Variants in GOLGA2 observed in about 807,000 individuals in gnomAD.
GOLGA2 encodes golgin A2, also known as golgin subfamily A member 2.
A neutral mutation model predicts 148.8 loss-of-function variants in GOLGA2; 49 were observed. That is an observed-to-expected ratio of 0.33 (90% CI 0.26 to 0.42). GOLGA2 has a LOEUF of 0.42. GOLGA2 is among the 10% of genes least tolerant of loss of function. The pLI, the probability that GOLGA2 is intolerant of heterozygous loss-of-function variation, is 1.00. For synonymous variants in GOLGA2, 501 were observed against 511.8 expected, an observed-to-expected ratio of 0.98 and a Z score of 0.28; for missense variants, 1,178 against 1,304.6, an observed-to-expected ratio of 0.90 and a Z score of 1.49.
chr9:128,268,480 G>T lies in GOLGA2; in HGVS notation c.333C>A (p.Thr111=), dbSNP rs374754744. The T allele has an allele frequency of 1.2e-6, 2 of 1,612,052 alleles. No individual in the cohort carries two copies. Among genetic ancestry groups the T allele is most frequent in the African/African-American group, 1.3e-5 (1 of 75,026 alleles). ...NAATLQPSDD[T]VLPGGVPSPG... is the part of the protein sequence containing the mutation. Reference sequence around the variant, plus strand: ...GGGAAGGGACACCGCCAGGTAACACGGTGTCATCAGATGGTTGTAGAGTAG... The same window carrying T: ...GGGAAGGGACACCGCCAGGTAACACTGTGTCATCAGATGGTTGTAGAGTAG... The change falls in exon 4 of 27, where the codon ACC becomes ACA. Residue 111 remains threonine, a synonymous_variant. Transcript: ENST00000611957.
In GOLGA2 at chr9:128,256,973, G is replaced by T; in HGVS notation, c.*94C>A. ...CAGGGGTCTATGCTTGCTACTGTAA[G>T]GGTAAAGGGTTGACTGAGAAGGGAT... On this transcript the variant is annotated 3_prime_UTR_variant, in exon 27 of 27. Coordinates refer to ENST00000611957, the MANE Select transcript of GOLGA2 (RefSeq NM_001366244.2). The T allele has an allele frequency of 1.1e-6, 1 of 926,112 alleles. No individual in the cohort carries two copies. The highest frequency in any genetic ancestry group is 1.7e-6 in the Non-Finnish European group (1 of 585,660). 57.4% of individuals were successfully genotyped at this position (926,112 alleles called of 1,614,324 possible). A position where few individuals can be genotyped will look rare whatever the true frequency, so the allele number is the denominator to read the frequency against.
rs1409811101 is a variant in GOLGA2 at position 128,271,818 on chromosome 9, AT to A, written c.288+966del. Among the ~76,000 whole-genome samples the A allele has an allele frequency of 2.6e-5, 4 of 151,952 alleles. No homozygotes were observed. Among genetic ancestry groups the A allele is most frequent in the Admixed American group, 6.5e-5 (1 of 15,268 alleles). On this transcript the variant is annotated intron_variant, in intron 3 of 26. Transcript: ENST00000611957. This position sits in a 1 kb window ranked among gnomAD's most constrained non-coding sequence, Gnocchi z 4.4. Reference sequence around the variant, plus strand: ...TGTTCATCTATTTTATCCACTGTTTATTTATCAAAGTGCCTTTGTTGTCAAG... The same window carrying A: ...TGTTCATCTATTTTATCCACTGTTTATTATCAAAGTGCCTTTGTTGTCAAG...
chr9:128,274,537 CG>C (rs1279700873), intron 1 of GOLGA2, among the ~76,000 whole-genome samples: 12 of 152,236 alleles, frequency 7.9e-5, no homozygotes, highest in Admixed American at 7.2e-4. Flanking sequence ...AAATGTGGGC[CG>C]GAACATTAAG....
Position 128,275,925 on chromosome 9 carries a change from G to C in GOLGA2, c.52C>G (p.Arg18Gly). 1.9e-6 allele frequency: 3 copies of C among 1,592,132 alleles called. No homozygotes were observed. Among genetic ancestry groups the C allele is most frequent in the Non-Finnish European group, 2.6e-6 (3 of 1,170,192 alleles). ...TTCGCTGCGGCCAATTTGCTCTGTCGGGTTTCTTCCGACATCGCGGGGCGG... is the reference window on the plus strand; with the variant it reads ...TTCGCTGCGGCCAATTTGCTCTGTCCGGTTTCTTCCGACATCGCGGGGCGG... ...PPRPAMSEET[R>G]QSKLAAAKKK... The change falls in exon 1 of 27, where the codon CGA becomes GGA. Residue 18 changes from arginine to glycine, a missense_variant. By Grantham distance (125) the Arg-to-Gly change is moderately radical. This residue lies in a region of GOLGA2 where 158 missense variants were observed against 156.6 expected (regional missense o/e 1.01). Coordinates refer to ENST00000611957, the MANE Select transcript of GOLGA2 (RefSeq NM_001366244.2).
rs569672337 is a variant in GOLGA2, at chr9:128,271,268, C to G, written c.288+1517G>C. 6.6e-6 allele frequency among the ~76,000 whole-genome samples: 1 copy of G among 152,152 alleles called. No individual in the cohort carries two copies. Among genetic ancestry groups the G allele is most frequent in the Non-Finnish European group, 1.5e-5 (1 of 68,020 alleles). ...CCACTCAGCGTCTCCTCTGAGCTGG[C>G]AAGGTGAGTCACAGCACCTGGACAG... On this transcript the variant is annotated intron_variant, in intron 3 of 26. Coordinates refer to ENST00000611957, the MANE Select transcript of GOLGA2 (RefSeq NM_001366244.2). The surrounding 1 kb of genome is among the most constrained non-coding windows in gnomAD (Gnocchi z 4.4).
chr9:128,265,455 C>G, intron 12 of GOLGA2, 130 bp downstream of exon 12: 1 of 780,098 alleles, frequency 1.3e-6, no homozygotes, highest in South Asian at 1.4e-5. Flanking sequence ...CAACCACACA[C>G]AAAAGCAGTG....
At chr9:128,269,965 G>C (rs1333350732) in intron 3 of GOLGA2, among the ~76,000 whole-genome samples, 1 of 152,112 alleles carries the variant, frequency 6.6e-6, no homozygotes, top group Non-Finnish European at 1.5e-5. Context: ...GCCTACAACT[G>C]AATCTAATAG....
intron 1 of GOLGA2, chr9:128,275,594 G>C: frequency 2.0e-6 from 2 of 981,710 alleles, no homozygotes; most frequent in Non-Finnish European, 2.8e-6. Context: ...GGTCCTTGGA[G>C]ACGCCAGCCC....
Position 128,261,909 on chromosome 9 carries a change from TA to T in GOLGA2, c.1135-153del. On this transcript the variant is annotated intron_variant, in intron 14 of 26. Transcript: ENST00000611957. The surrounding 1 kb of genome is among the most constrained non-coding windows in gnomAD (Gnocchi z 5.7). Reference sequence around the variant, plus strand: ...TTGCTTTAGAAATAAAAAATAATTTTAAAAAGATCTCAGGCCAGGCATGGTG... The same window carrying T: ...TTGCTTTAGAAATAAAAAATAATTTTAAAAGATCTCAGGCCAGGCATGGTG... The T allele has an allele frequency of 1.7e-6, 1 of 602,750 alleles. No homozygotes were observed. The highest frequency in any genetic ancestry group is 3.0e-6 in the Non-Finnish European group (1 of 338,568). 37.3% of individuals were successfully genotyped at this position (602,750 alleles called of 1,614,324 possible). A position where few individuals can be genotyped will look rare whatever the true frequency, so the allele number is the denominator to read the frequency against.
In GOLGA2 at chr9:128,257,062, G is replaced by T. The variant is rs575735958; in HGVS notation, c.*5C>A. 1 of 1,605,736 alleles carries T rather than the reference G, an allele frequency of 6.2e-7. No individual in the cohort carries two copies. Among genetic ancestry groups the T allele is most frequent in the South Asian group, 1.1e-5 (1 of 90,582 alleles). On this transcript the variant is annotated 3_prime_UTR_variant, in exon 27 of 27. Coordinates refer to ENST00000611957, the MANE Select transcript of GOLGA2 (RefSeq NM_001366244.2). The surrounding 1 kb of genome is among the most constrained non-coding windows in gnomAD (Gnocchi z 8.0). ...TCTTCAGGCTTTGCTGACAGTAGCC[G>T]GCTTTTAGATGACAGTGATCTTCAC...
In GOLGA2 at chr9:128,257,717, G is replaced by C. The variant is rs1588476077; in HGVS notation, c.2612-10C>G. On this transcript the variant is annotated splice_polypyrimidine_tract_variant and intron_variant, in intron 24 of 26. Transcript: ENST00000611957. The surrounding 1 kb of genome is among the most constrained non-coding windows in gnomAD (Gnocchi z 8.0). Reference sequence around the variant, plus strand: ...AGTGCAATGTACTCTCCTGCGGGAGGACAGGGCTCAGATGCTGGGTTCCCT... The same window carrying C: ...AGTGCAATGTACTCTCCTGCGGGAGCACAGGGCTCAGATGCTGGGTTCCCT... The C allele has an allele frequency of 2.5e-6, 4 of 1,612,760 alleles. No individual in the cohort carries two copies. The East Asian group carries it at 6.7e-5, about 27-fold the overall frequency.
intron 2 of GOLGA2, 57 bp from the exon 3 acceptor site, chr9:128,272,922 A>C: frequency 1.6e-6 from 1 of 613,318 alleles, no homozygotes; most frequent in Non-Finnish European, 2.6e-6. Context: ...GAAGTGGCTT[A>C]GAGAGAGGCA....
rs945350935 is a variant in GOLGA2, at chr9:128,271,295, C to T, written c.288+1490G>A. On this transcript the variant is annotated intron_variant, in intron 3 of 26. Transcript: ENST00000611957. This position sits in a 1 kb window ranked among gnomAD's most constrained non-coding sequence, Gnocchi z 4.4. ...AGGTGAGTCACAGCACCTGGACAGA[C>T]CTGATCAACTGGAGGGTAACAGGTA... Among the ~76,000 whole-genome samples, 3 of 152,196 alleles carry T rather than the reference C, an allele frequency of 2.0e-5. No homozygotes were observed. Among genetic ancestry groups the T allele is most frequent in the African/African-American group, 7.2e-5 (3 of 41,444 alleles).
chr9:128,257,348 C>G lies in GOLGA2; in HGVS notation c.2875+21G>C. ...CCTCCCTTACTCCTGCCTGCCCACC[C>G]CTCCCGAGGGCTCTACTCACCACCC... On this transcript the variant is annotated intron_variant, in intron 26 of 26. Transcript: ENST00000611957. The surrounding 1 kb of genome is among the most constrained non-coding windows in gnomAD (Gnocchi z 8.0). The G allele has an allele frequency of 1.2e-6, 2 of 1,613,108 alleles. No homozygotes were observed. The highest frequency in any genetic ancestry group is 1.7e-6 in the Non-Finnish European group (2 of 1,179,936).
chr9:128,275,602 C>A (rs1347665807), intron 1 of GOLGA2: 4 of 872,660 alleles, frequency 4.6e-6, no homozygotes, highest in Non-Finnish European at 4.9e-6. Context: ...GAGACGCCAG[C>A]CCAAAGAGCC....
At chr9:128,267,805 G>T in intron 6 of GOLGA2, 129 bp downstream of exon 6, 1 of 775,902 alleles carries the variant, frequency 1.3e-6, no homozygotes, top group South Asian at 1.6e-5. Context: ...GGGAAAAGGC[G>T]ACTTCCTTAA....
chr9:128,263,899 G>A (rs554341910), intron 12 of GOLGA2, among the ~76,000 whole-genome samples: 1 of 149,024 alleles, frequency 6.7e-6, no homozygotes, highest in South Asian at 2.2e-4. Flanking sequence ...GCTCACGCCT[G>A]TAATCCTGGC....
In GOLGA2 at chr9:128,259,088, G is replaced by A. The variant is rs781220019; in HGVS notation, c.2098-6C>T. ...GTGGCAGCTTCCAGGCGCTCCTAAGGGGCCAGAAAAGAGAGTGAGAAGGCA... is the reference window on the plus strand; with the variant it reads ...GTGGCAGCTTCCAGGCGCTCCTAAGAGGCCAGAAAAGAGAGTGAGAAGGCA... On this transcript the variant is annotated splice_region_variant and splice_polypyrimidine_tract_variant and intron_variant, in intron 20 of 26. Transcript: ENST00000611957. 4 of 1,611,994 alleles carry A rather than the reference G, an allele frequency of 2.5e-6. No homozygotes were observed. In the South Asian group the frequency reaches 4.4e-5, roughly 18 times the overall value.
chr9:128,262,980 C>T (rs1286338578), intron 13 of GOLGA2, 54 bp downstream of exon 13: 22 of 1,204,220 alleles, frequency 1.8e-5, no homozygotes, highest in Non-Finnish European at 2.6e-5. Flanking sequence ...CCTCCCAGCA[C>T]ACCACCCATG....
Sources: gnomAD v4.1 joint callset for allele counts (sites outside exome capture counted in the v4.1 genomes callset) on GRCh38, gnomAD v4.1.1 for gene constraint, gnomAD v4.1.1 regional missense constraint, Gnocchi (gnomAD v3.1) non-coding constraint, MANE v1.5 for transcripts, NCBI Gene and HGNC (gene_info 2026-07-23, HGNC 2026-07-21) for gene names.